Variants in EIF2S2 observed in about 807,000 individuals in gnomAD.
EIF2S2 encodes the protein eukaryotic translation initiation factor 2 subunit beta, also known as eukaryotic translation initiation factor 2 subunit 2.
EIF2S2 carries 4 observed loss-of-function variants against 44.0 expected under a neutral mutation model. The ratio of observed to expected loss-of-function variants is 0.09; its 90% CI spans 0.04 to 0.21. The LOEUF (loss-of-function observed/expected upper bound fraction) is 0.21. EIF2S2 is among the 10% of genes least tolerant of loss of function. EIF2S2 has a pLI of 1.00. For missense variants in EIF2S2, 154 were observed against 392.0 expected, an observed-to-expected ratio of 0.39 and a Z score of 5.13; for synonymous variants, 108 against 128.3, an observed-to-expected ratio of 0.84 and a Z score of 1.07.
intron 5 of EIF2S2, among the ~76,000 whole-genome samples, chr20:34,097,211 G>C (rs553547393): frequency 6.6e-6 from 1 of 152,340 alleles, no homozygotes; most frequent in South Asian, 2.1e-4. Flanking sequence ...TGGGGACAGT[G>C]AGTAGTACTA....
chr20:34,103,108 A>T (rs908701354), intron 3 of EIF2S2, among the ~76,000 whole-genome samples: 1 of 152,200 alleles, frequency 6.6e-6, no homozygotes, highest in Non-Finnish European at 1.5e-5. Context: ...TATATATTCA[A>T]TATGTTACCA....
chr20:34,112,222 T>C lies in EIF2S2; in HGVS notation c.-112A>G. The C allele has an allele frequency of 1.3e-5, 16 of 1,214,240 alleles. 1 individual carries two copies. The South Asian group carries it at 2.2e-4, about 17-fold the overall frequency. 75.2% of individuals were successfully genotyped at this position (1,214,240 alleles called of 1,614,324 possible). A position where few individuals can be genotyped will look rare whatever the true frequency, so the allele number is the denominator to read the frequency against. On this transcript the variant is annotated 5_prime_UTR_variant, in exon 1 of 9. Transcript: ENST00000374980. ...CTCTCCCACCACCGCACTAGGCTCTTGCATCAGCGAAAGGAAACGACACCC... is the reference window on the plus strand; with the variant it reads ...CTCTCCCACCACCGCACTAGGCTCTCGCATCAGCGAAAGGAAACGACACCC...
chr20:34,090,017 G>A lies in EIF2S2; in HGVS notation c.827-112C>T, dbSNP rs2034144696. 5 of 1,182,550 alleles carry A rather than the reference G, an allele frequency of 4.2e-6. No homozygotes were observed. The South Asian group carries it at 6.7e-5, about 16-fold the overall frequency. 73.3% of individuals were successfully genotyped at this position (1,182,550 alleles called of 1,614,324 possible). A position where few individuals can be genotyped will look rare whatever the true frequency, so the allele number is the denominator to read the frequency against. On this transcript the variant is annotated intron_variant, in intron 8 of 8. Coordinates refer to ENST00000374980, the MANE Select transcript of EIF2S2 (RefSeq NM_003908.5). ...TCCACAAGCCCAGGCTGAGAATTTAGCTGGGCACCCAGACCAGGGAAGCGC... is the reference window on the plus strand; with the variant it reads ...TCCACAAGCCCAGGCTGAGAATTTAACTGGGCACCCAGACCAGGGAAGCGC...
intron 3 of EIF2S2, 48 bp downstream of exon 3, chr20:34,103,414 A>G (rs375810484): frequency 1.5e-5 from 23 of 1,495,834 alleles, no homozygotes; most frequent in Non-Finnish European, 2.1e-5. Context: ...AGCCATTAGC[A>G]ACCTTGCAAG....
intron 6 of EIF2S2, 82 bp downstream of exon 6, chr20:34,096,575 C>A: frequency 1.4e-6 from 2 of 1,383,040 alleles, no homozygotes; most frequent in South Asian, 1.4e-5. Context: ...ATAATAAAGT[C>A]GACAATAAGG....
rs932521303 is a variant in EIF2S2 at position 34,088,707 on chromosome 20, C to G, written c.*1023G>C. ...ATCACAGCACCGACACAGAAGATGGCCTTCTCCCATGTGCCAGCGGAGAAT... is the reference window on the plus strand; with the variant it reads ...ATCACAGCACCGACACAGAAGATGGGCTTCTCCCATGTGCCAGCGGAGAAT... On this transcript the variant is annotated 3_prime_UTR_variant, in exon 9 of 9. Transcript: ENST00000374980. 6.6e-6 allele frequency: 1 copy of G among 152,516 alleles called. No homozygotes were observed. Among genetic ancestry groups the G allele is most frequent in the Non-Finnish European group, 1.5e-5 (1 of 68,066 alleles). The allele number at this position is 152,516 out of a possible 1,614,324, so 9.4% of individuals were successfully genotyped here. A position where few individuals can be genotyped will look rare whatever the true frequency, so the allele number is the denominator to read the frequency against.
At chr20:34,090,108 G>A (rs894071414) in intron 8 of EIF2S2, among the ~76,000 whole-genome samples, 1 of 152,248 alleles carries the variant, frequency 6.6e-6, no homozygotes, top group Admixed American at 6.5e-5. Flanking sequence ...AACATGGGCT[G>A]ATACTCAATG....
chr20:34,107,251 G>A, intron 1 of EIF2S2, among the ~76,000 whole-genome samples: 1 of 151,264 alleles, frequency 6.6e-6, no homozygotes, highest in South Asian at 2.1e-4. Context: ...TTTTTTTCCT[G>A]AACCCCTTAC....
intron 1 of EIF2S2, among the ~76,000 whole-genome samples, chr20:34,109,945 A>C (rs957133515): frequency 4.6e-5 from 7 of 151,690 alleles, no homozygotes; most frequent in Admixed American, 1.3e-4. Flanking sequence ...AATACAAAAA[A>C]AAAATTAGCT....
intron 7 of EIF2S2, among the ~76,000 whole-genome samples, chr20:34,091,731 A>C (rs868792250): frequency 2.3e-4 from 31 of 134,394 alleles, no homozygotes; most frequent in Non-Finnish European, 4.1e-4. Flanking sequence ...AAAAAAAAAA[A>C]AACCCCATTG....
chr20:34,096,828 A>G (rs1436044224), intron 5 of EIF2S2, 23 bp from the exon 6 acceptor site: 1 of 1,597,742 alleles, frequency 6.3e-7, no homozygotes, highest in Admixed American at 1.8e-5. Flanking sequence ...AGTGGTATTC[A>G]TGAATACGCT....
intron 3 of EIF2S2, among the ~76,000 whole-genome samples, chr20:34,100,339 G>GT (rs1049763766): frequency 6.6e-6 from 1 of 152,256 alleles, no homozygotes; most frequent in Admixed American, 6.5e-5. Context: ...TTAACCACTG[G>GT]TGACTGAGCT....
At position 34,096,466 on chromosome 20, in the gene EIF2S2, TAATAA is replaced by T. The variant is rs3830777; in HGVS notation, c.683+186_683+190del. ...GGCGACAAAGCAAGACCGTTATCTT[TAATAA>T]AATAAAACAGCCCTGAGACTTATGA... On this transcript the variant is annotated intron_variant, in intron 6 of 8. Coordinates refer to ENST00000374980, the MANE Select transcript of EIF2S2 (RefSeq NM_003908.5). Among the ~76,000 whole-genome samples, 197 of 152,190 alleles carry T rather than the reference TAATAA, an allele frequency of 1.3e-3. 2 individuals are homozygous for T. In the East Asian group the frequency reaches 0.035, roughly 27 times the overall value.
rs2034133256 is a variant in EIF2S2, at chr20:34,089,270, T to G, written c.*460A>C. The stretch of plus-strand genomic sequence containing the variant: ...GGAGGCCGTGTCTACTTTAACTATG[T>G]ATCTCAAGAGAAGCAGAGAAGAAAA... On this transcript the variant is annotated 3_prime_UTR_variant, in exon 9 of 9. Transcript: ENST00000374980. 1.3e-5 allele frequency: 2 copies of G among 155,066 alleles called. No homozygotes were observed. The highest frequency in any genetic ancestry group is 4.8e-5 in the African/African-American group (2 of 41,440). The allele number at this position is 155,066 out of a possible 1,614,324, so 9.6% of individuals were successfully genotyped here. A position where few individuals can be genotyped will look rare whatever the true frequency, so the allele number is the denominator to read the frequency against.
intron 1 of EIF2S2, among the ~76,000 whole-genome samples, chr20:34,107,189 AG>A (rs2034359746): frequency 6.6e-6 from 1 of 152,100 alleles, no homozygotes; most frequent in African/African-American, 2.4e-5. Context: ...AAAAAAAAAA[AG>A]AAAGTGCAGG....
intron 6 of EIF2S2, among the ~76,000 whole-genome samples, chr20:34,095,156 T>C (rs917572715): frequency 6.6e-6 from 1 of 152,218 alleles, no homozygotes; most frequent in Non-Finnish European, 1.5e-5. Flanking sequence ...GTGTAGCTAT[T>C]TAAAACACTT....
At position 34,089,712 on chromosome 20, in the gene EIF2S2, A is replaced by G. The variant is rs2034141221; in HGVS notation, c.*18T>C. On this transcript the variant is annotated 3_prime_UTR_variant, in exon 9 of 9. Transcript: ENST00000374980. The stretch of plus-strand genomic sequence containing the variant: ...CCACATCTCCACAACAAGCTTTGCA[A>G]AATCAGTGATTAGCAAATTAGTTAG... 7 of 1,602,574 alleles carry G rather than the reference A, an allele frequency of 4.4e-6. No homozygotes were observed. In the East Asian group the frequency reaches 1.6e-4, roughly 36 times the overall value.
intron 6 of EIF2S2, among the ~76,000 whole-genome samples, chr20:34,095,694 G>A (rs962215532): frequency 6.6e-6 from 1 of 152,034 alleles, no homozygotes; most frequent in Non-Finnish European, 1.5e-5. Flanking sequence ...TTTCTACAAT[G>A]AGTATATACT....
chr20:34,111,599 A>C (rs1291891579), intron 1 of EIF2S2, among the ~76,000 whole-genome samples: 2 of 152,156 alleles, frequency 1.3e-5, no homozygotes, highest in African/African-American at 4.8e-5. Context: ...TCTTTTTAAA[A>C]AACAATGCTA....
Sources: allele counts gnomAD v4.1 joint callset (sites outside exome capture counted in the v4.1 genomes callset), GRCh38; gene constraint gnomAD v4.1.1; transcripts MANE v1.5; gene names NCBI Gene and HGNC (gene_info 2026-07-23, HGNC 2026-07-21).